Variants in UBE3A observed in about 807,000 individuals in gnomAD.
UBE3A encodes ubiquitin protein ligase E3A.
Under a neutral mutation model 83.4 loss-of-function variants are expected in UBE3A, and 6 were observed. The observed-to-expected ratio is 0.07, with a 90% CI of 0.04 to 0.14. The LOEUF is 0.14. UBE3A is among the 10% of genes least tolerant of loss of function. The pLI is 1.00. For missense variants in UBE3A, 456 were observed against 1,036.1 expected, an observed-to-expected ratio of 0.44 and a Z score of 7.69; for synonymous variants, 337 against 355.4, an observed-to-expected ratio of 0.95 and a Z score of 0.58.
chr15:25,425,697 T>TA (rs564963250), intron 1 of UBE3A, among the ~76,000 whole-genome samples: 24 of 151,396 alleles, frequency 1.6e-4, no homozygotes, highest in Non-Finnish European at 2.7e-4. Context: ...TTCTTATACT[T>TA]AAAAAAAAAT....
At chr15:25,385,901 G>T (rs999477869) in intron 4 of UBE3A, among the ~76,000 whole-genome samples, 1 of 152,154 alleles carries the variant, frequency 6.6e-6, no homozygotes, top group African/African-American at 2.4e-5. Context: ...CCAGGCAATT[G>T]ACCAGCTTCT....
chr15:25,411,228 T>C (rs533364537), intron 2 of UBE3A, among the ~76,000 whole-genome samples: 17 of 152,222 alleles, frequency 1.1e-4, no homozygotes, highest in Non-Finnish European at 2.1e-4. Flanking sequence ...TAATAGTACC[T>C]ATTCCATAGA....
intron 4 of UBE3A, 98 bp from the exon 5 acceptor site, chr15:25,375,861 G>T: frequency 7.3e-7 from 1 of 1,363,568 alleles, no homozygotes; most frequent in Non-Finnish European, 1.0e-6. Context: ...AAGCACTGAA[G>T]TGATTAACCT....
intron 5 of UBE3A, among the ~76,000 whole-genome samples, chr15:25,372,968 G>A (rs2080547248): frequency 6.6e-6 from 1 of 152,108 alleles, no homozygotes; most frequent in Admixed American, 6.5e-5. Flanking sequence ...AAAAATTGAA[G>A]CACAAAAATA....
chr15:25,354,232 T>G, intron 11 of UBE3A, 121 bp downstream of exon 11: 1 of 820,012 alleles, frequency 1.2e-6, no homozygotes, highest in East Asian at 2.6e-5. Flanking sequence ...AATCTAAGTA[T>G]ATAGATGACA....
intron 1 of UBE3A, among the ~76,000 whole-genome samples, chr15:25,426,815 TG>T (rs1356337750): frequency 6.6e-6 from 1 of 151,420 alleles, no homozygotes; most frequent in African/African-American, 2.4e-5. Flanking sequence ...TATTTCAATG[TG>T]GCTGGTTATA....
chr15:25,430,065 T>C (rs975769553), intron 1 of UBE3A, among the ~76,000 whole-genome samples: 1 of 109,832 alleles, frequency 9.1e-6, no homozygotes, highest in Admixed American at 1.1e-4. Context: ...ATGTATTATA[T>C]ATATATAATA....
chr15:25,342,983 G>A (rs1013297420), intron 11 of UBE3A, among the ~76,000 whole-genome samples: 1 of 152,140 alleles, frequency 6.6e-6, no homozygotes, highest in Non-Finnish European at 1.5e-5. Context: ...TCCCTTAAGC[G>A]GCTGTAAAGG....
At chr15:25,415,952 C>A (rs774978763) in intron 1 of UBE3A, 5 of 150,156 alleles carry the variant, frequency 3.3e-5, no homozygotes, top group Non-Finnish European at 5.9e-5. Flanking sequence ...CAAATTAACA[C>A]AAATATAAGT....
chr15:25,427,494 ACT>A (rs1891666118), intron 1 of UBE3A, among the ~76,000 whole-genome samples: 1 of 151,152 alleles, frequency 6.6e-6, no homozygotes, highest in Non-Finnish European at 1.5e-5. Flanking sequence ...AATAGAAAGC[ACT>A]CTTCTATTTC....
At chr15:25,416,970 G>C (rs1887187946) in intron 1 of UBE3A, among the ~76,000 whole-genome samples, 1 of 152,064 alleles carries the variant, frequency 6.6e-6, no homozygotes, top group Non-Finnish European at 1.5e-5. Context: ...AGCTGAAGTG[G>C]GTAAAATTGA....
intron 4 of UBE3A, chr15:25,391,689 G>A (rs551964627): frequency 6.6e-6 from 1 of 152,318 alleles, no homozygotes; most frequent in Admixed American, 6.5e-5. Context: ...CTGGAAGACA[G>A]TAGAAGAGCC....
chr15:25,398,079 G>C (rs1020080741), intron 4 of UBE3A, among the ~76,000 whole-genome samples: 4 of 137,094 alleles, frequency 2.9e-5, no homozygotes, highest in Non-Finnish European at 4.5e-5. Flanking sequence ...TGAGGCAGGA[G>C]AATCATTTGA....
At chr15:25,345,622 T>C (rs1008438242) in intron 11 of UBE3A, 1 of 149,788 alleles carries the variant, frequency 6.7e-6, no homozygotes, top group Non-Finnish European at 1.5e-5. Flanking sequence ...AGTGAAACAG[T>C]GTAATTATTA....
At chr15:25,353,293 G>A (rs2076774803) in intron 11 of UBE3A, among the ~76,000 whole-genome samples, 1 of 152,146 alleles carries the variant, frequency 6.6e-6, no homozygotes, top group Non-Finnish European at 1.5e-5. Context: ...CACATACCAC[G>A]ACGAACAACC....
intron 3 of UBE3A, chr15:25,408,400 G>T (rs1425118138): frequency 9.6e-6 from 6 of 625,240 alleles, no homozygotes; most frequent in Non-Finnish European, 1.7e-5. Flanking sequence ...GGAAATTTTT[G>T]TATTAAACTA....
At position 25,356,879 on chromosome 15, in the gene UBE3A, C is replaced by G. The variant is rs757922956; in HGVS notation, c.1771G>C (p.Glu591Gln). 2.5e-6 allele frequency: 4 copies of G among 1,613,478 alleles called. No individual in the cohort carries two copies. The highest frequency in any genetic ancestry group is 3.4e-6 in the Non-Finnish European group (4 of 1,179,630). ...NPDIGMFTYD[E>Q]STKLFWFNPS... ...TTAAACCAAAACAATTTTGTAGATT[C>G]ATCGTATGTGAACATACCTATAAGA... Residue 591 changes from glutamate to glutamine, a missense_variant, in exon 8 of 13, where the codon GAA becomes CAA. Coordinates refer to ENST00000648336, the MANE Select transcript of UBE3A (RefSeq NM_130839.5).
Position 25,378,629 on chromosome 15 carries a change from G to A in UBE3A, c.63-2866C>T, listed in dbSNP as rs536752275. Reference sequence around the variant, plus strand: ...GATCTCAAAGAAAGTACAGAACCAAGACAAGAATAGGAGTCCAGGAGTCTT... The same window carrying A: ...GATCTCAAAGAAAGTACAGAACCAAAACAAGAATAGGAGTCCAGGAGTCTT... On this transcript the variant is annotated intron_variant, in intron 4 of 12. Transcript: ENST00000648336. 3.3e-5 allele frequency among the ~76,000 whole-genome samples: 5 copies of A among 152,184 alleles called. No individual in the cohort carries two copies. In the South Asian group the frequency reaches 1.0e-3, roughly 32 times the overall value.
intron 4 of UBE3A, among the ~76,000 whole-genome samples, chr15:25,380,361 C>G (rs1432775668): frequency 6.6e-6 from 1 of 152,028 alleles, no homozygotes; most frequent in Admixed American, 6.6e-5. Flanking sequence ...TACTTTAGGC[C>G]TGCAAAACCT....
Sources: allele counts gnomAD v4.1 joint callset (sites outside exome capture counted in the v4.1 genomes callset), GRCh38; gene constraint gnomAD v4.1.1; transcripts MANE v1.5; gene names NCBI Gene and HGNC (gene_info 2026-07-23, HGNC 2026-07-21).